Variants in ENOX1 observed in about 807,000 individuals in gnomAD.
ENOX1 encodes candidate growth-related and time keeping constitutive hydroquinone (NADH) oxidase.
Under a neutral mutation model 82.5 loss-of-function variants are expected in ENOX1, and 42 were observed. The ratio of observed to expected loss-of-function variants is 0.51; its 90% CI spans 0.40 to 0.66. ENOX1 has a LOEUF of 0.66. ENOX1 is among the 30% of genes least tolerant of loss of function. The probability of loss-of-function intolerance (pLI) is 0.00; values close to 1 mark genes in which losing one functional copy is unlikely to be tolerated. For missense variants in ENOX1, 608 were observed against 811.6 expected (o/e 0.75, Z 3.05); for synonymous variants, 271 against 282.2 (o/e 0.96, Z 0.40).
Position 43,356,241 on chromosome 13 carries a change from T to G in ENOX1, c.590-89A>C. On this transcript the variant is annotated intron_variant, in intron 7 of 16. Transcript: ENST00000690772. ...CTTCAAGGCACGCTTAGGCAAATGC[T>G]CACTTATTTCTTGGCTGTCACTACG... 2.7e-6 allele frequency: 3 copies of G among 1,108,528 alleles called. No homozygotes were observed. In the South Asian group the frequency reaches 4.6e-5, roughly 17 times the overall value. 68.7% of individuals were successfully genotyped at this position (1,108,528 alleles called of 1,614,324 possible).
intron 3 of ENOX1, among the ~76,000 whole-genome samples, chr13:43,432,424 T>C (rs1469063862): frequency 6.6e-6 from 1 of 152,054 alleles, no homozygotes; most frequent in Non-Finnish European, 1.5e-5. Context: ...GTGGATCAAT[T>C]TGACGCCAGT....
intron 2 of ENOX1, among the ~76,000 whole-genome samples, chr13:43,512,068 G>A (rs575840964): frequency 1.9e-4 from 29 of 152,094 alleles, no homozygotes; most frequent in Non-Finnish European, 4.0e-4. Context: ...GTATGTAGAT[G>A]CATATCTAAT....
chr13:43,466,605 A>G (rs1364966051), intron 3 of ENOX1, among the ~76,000 whole-genome samples: 1 of 152,200 alleles, frequency 6.6e-6, no homozygotes, highest in Non-Finnish European at 1.5e-5. Flanking sequence ...AAGTAGATTT[A>G]CAAAAATTAT....
chr13:43,673,268 C>G (rs978091340), intron 1 of ENOX1, among the ~76,000 whole-genome samples: 2 of 151,660 alleles, frequency 1.3e-5, no homozygotes, highest in African/African-American at 4.8e-5. Context: ...AAAACAAGAT[C>G]TATAAAATTA....
intron 2 of ENOX1, among the ~76,000 whole-genome samples, chr13:43,538,830 C>T (rs1025706397): frequency 9.1e-3 from 12 of 1,312 alleles, no homozygotes; most frequent in Admixed American, 0.043. Flanking sequence ...TTCCTCCCCG[C>T]CCCTGCCCTT....
intron 3 of ENOX1, among the ~76,000 whole-genome samples, chr13:43,460,306 C>T (rs368567830): frequency 2.0e-5 from 3 of 152,250 alleles, no homozygotes. Context: ...CCCCTCAAGG[C>T]TGCTAAGGTT....
At position 43,246,971 on chromosome 13, in the gene ENOX1, G is replaced by A. The variant is rs76311962; in HGVS notation, c.1612-10233C>T. Among the ~76,000 whole-genome samples, 99 of 152,262 alleles carry A rather than the reference G, an allele frequency of 6.5e-4. 1 individual carries two copies. The highest frequency in any genetic ancestry group is 2.3e-3 in the African/African-American group (96 of 41,554). ...GAGCTAAAATCATTTAAACAAGTCA[G>A]GTCTACACAGCTAGCAGAATATTGA... On this transcript the variant is annotated intron_variant, in intron 14 of 16. Transcript: ENST00000690772.
intron 5 of ENOX1, among the ~76,000 whole-genome samples, chr13:43,393,054 A>AT (rs2052897335): frequency 1.3e-5 from 2 of 152,172 alleles, no homozygotes; most frequent in Admixed American, 1.3e-4. Context: ...CATTTCTGAT[A>AT]TTTTACGTTA....
At chr13:43,217,405 T>G (rs1319561863) in intron 16 of ENOX1, among the ~76,000 whole-genome samples, 3 of 152,184 alleles carry the variant, frequency 2.0e-5, no homozygotes, top group African/African-American at 7.2e-5. Context: ...TTGGCTAGCA[T>G]GTACTGAAAT....
At chr13:43,516,139 G>T (rs941827821) in intron 2 of ENOX1, among the ~76,000 whole-genome samples, 1 of 152,154 alleles carries the variant, frequency 6.6e-6, no homozygotes, top group Admixed American at 6.5e-5. Flanking sequence ...GGAATATACA[G>T]TAAAGAATGG....
chr13:43,410,978 C>A (rs1412143871), intron 5 of ENOX1, among the ~76,000 whole-genome samples: 1 of 152,198 alleles, frequency 6.6e-6, no homozygotes, highest in Non-Finnish European at 1.5e-5. Context: ...CAGACAGCGG[C>A]TCAATGAGTA....
At chr13:43,734,740 T>C (rs958269531) in intron 1 of ENOX1, among the ~76,000 whole-genome samples, 4 of 152,200 alleles carry the variant, frequency 2.6e-5, no homozygotes, top group Admixed American at 1.3e-4. Context: ...AAACAGAGCA[T>C]TCCTATTGAA....
intron 1 of ENOX1, among the ~76,000 whole-genome samples, chr13:43,754,194 C>CATATGT (rs1321346349): frequency 7.3e-6 from 1 of 137,104 alleles, no homozygotes; most frequent in African/African-American, 2.6e-5. Flanking sequence ...TGTATATATA[C>CATATGT]ATATGTATAT....
chr13:43,589,634 G>GC (rs2081152689), intron 2 of ENOX1, among the ~76,000 whole-genome samples: 1 of 12,516 alleles, frequency 8.0e-5, no homozygotes. Context: ...CCTCCAAGTA[G>GC]CCAGACTATA....
At chr13:43,475,014 G>A (rs17064649) in intron 3 of ENOX1, among the ~76,000 whole-genome samples, 2,849 of 152,100 alleles carry the variant, frequency 0.019, 98 homozygotes, top group African/African-American at 0.064. Flanking sequence ...CTTGAAGGCA[G>A]ACAGATTGGA....
chr13:43,349,394 C>T (rs756640122), intron 8 of ENOX1, among the ~76,000 whole-genome samples: 22 of 152,158 alleles, frequency 1.4e-4, no homozygotes, highest in Non-Finnish European at 2.5e-4. Context: ...TGCTCTTTAG[C>T]TTTGTGAGGA....
At position 43,322,508 on chromosome 13, in the gene ENOX1, G is replaced by A. The variant is rs1165109150; in HGVS notation, c.1144-7C>T. The A allele has an allele frequency of 1.2e-6, 2 of 1,611,382 alleles. No individual in the cohort carries two copies. The highest frequency in any genetic ancestry group is 1.7e-6 in the Non-Finnish European group (2 of 1,178,164). On this transcript the variant is annotated splice_polypyrimidine_tract_variant and splice_region_variant and intron_variant, in intron 10 of 16. Transcript: ENST00000690772. ...TTTGAGCATTCCGGAGCTCCTGCAA[G>A]TAGAGGATACACAAATGTCAGAGTC...
chr13:43,457,585 G>GTTGTTCTGTTTTA, intron 3 of ENOX1, among the ~76,000 whole-genome samples: 1 of 152,250 alleles, frequency 6.6e-6, no homozygotes, highest in Admixed American at 6.5e-5. Context: ...ACAGCAGGAA[G>GTTGTTCTGTTTTA]ACTGGCCCAA....
chr13:43,484,563 G>GA (rs2058621140), intron 2 of ENOX1, among the ~76,000 whole-genome samples: 2 of 152,168 alleles, frequency 1.3e-5, no homozygotes, highest in Middle Eastern at 3.4e-3. Context: ...TTACAGATGA[G>GA]AAAAAAATGC....
Sources: allele counts gnomAD v4.1 joint callset (sites outside exome capture counted in the v4.1 genomes callset), GRCh38; gene constraint gnomAD v4.1.1; transcripts MANE v1.5; gene names NCBI Gene and HGNC (gene_info 2026-07-23, HGNC 2026-07-21).